Variants in APOBEC3G observed in about 807,000 individuals in gnomAD.
APOBEC3G encodes apolipoprotein B mRNA editing enzyme catalytic subunit 3G.
APOBEC3G carries 44 observed loss-of-function variants against 50.0 expected under a neutral mutation model. The ratio of observed to expected loss-of-function variants is 0.88; its 90% CI spans 0.69 to 1.13. APOBEC3G has a LOEUF of 1.13. Among genes scored for constraint, APOBEC3G ranks in the 50% most tolerant of loss-of-function variants. The pLI is 0.00. For synonymous variants in APOBEC3G, 156 were observed against 175.3 expected (o/e 0.89, Z 0.87); for missense variants, 469 against 492.0 (o/e 0.95, Z 0.44).
At chr22:39,085,003 C>T (rs1050537953) in intron 5 of APOBEC3G, among the ~76,000 whole-genome samples, 5 of 152,202 alleles carry the variant, frequency 3.3e-5, no homozygotes, top group Non-Finnish European at 7.4e-5. Context: ...CTTTCAAAGG[C>T]ACCGGTCCCC....
chr22:39,086,654 T>TC, intron 6 of APOBEC3G, 87 bp downstream of exon 6: 2 of 1,498,964 alleles, frequency 1.3e-6, no homozygotes, highest in Non-Finnish European at 1.8e-6. Context: ...AGGGTCGGCA[T>TC]CCCTGTGGGA....
chr22:39,085,537 TACTC>T (rs1260641776), intron 5 of APOBEC3G, among the ~76,000 whole-genome samples: 1 of 152,218 alleles, frequency 6.6e-6, no homozygotes, highest in African/African-American at 2.4e-5. Flanking sequence ...ATGCTCCAAA[TACTC>T]AGTATCAGAG....
rs1291848965 is a variant in APOBEC3G, at chr22:39,077,373, C to T, written c.12C>T (p.His4=). 4 of 1,582,334 alleles carry T rather than the reference C, an allele frequency of 2.5e-6. No homozygotes were observed. In the East Asian group the frequency reaches 9.2e-5, roughly 36 times the overall value. Residue 4 remains histidine (H), a synonymous_variant, in exon 1 of 8, where the codon CAC becomes CAT. Coordinates refer to ENST00000407997, the MANE Select transcript of APOBEC3G (RefSeq NM_021822.4). MKP[H]FRNTVERMYR... is the part of the protein sequence containing the mutation. ...CTAGCCGGCCAAGGATGAAGCCTCA[C>T]TTCAGGTACCGCTGCCCGCTCTACC...
In APOBEC3G at chr22:39,086,486, T is replaced by A. The variant is rs1165051232; in HGVS notation, c.943T>A (p.Tyr315Asn). Residue 315 changes from tyrosine to asparagine, a missense_variant, in exon 6 of 8, where the codon TAT becomes AAT. Transcript: ENST00000407997. The part of the protein sequence containing the change: ...VSLCIFTARI[Y>N]DDQGRCQEGL... ...CCTGTGCATCTTCACTGCCCGCATC[T>A]ATGATGATCAAGGAAGATGTCAGGA... 1 of 1,614,100 alleles carries A rather than the reference T, an allele frequency of 6.2e-7. No homozygotes were observed. The highest frequency in any genetic ancestry group is 1.7e-5 in the Admixed American group (1 of 60,008).
At chr22:39,086,027 G>A (rs1203183323) in intron 5 of APOBEC3G, among the ~76,000 whole-genome samples, 3 of 148,220 alleles carry the variant, frequency 2.0e-5, no homozygotes, top group Admixed American at 6.7e-5. Flanking sequence ...TCCCTCGGCC[G>A]GGCGCTGTGG....
chr22:39,077,417 C>T (rs1398038433), intron 1 of APOBEC3G, 39 bp downstream of exon 1: 6 of 1,571,564 alleles, frequency 3.8e-6, no homozygotes, highest in Non-Finnish European at 5.2e-6. Context: ...CCCTCTGCTG[C>T]CCCTTCTTGC....
intron 5 of APOBEC3G, among the ~76,000 whole-genome samples, chr22:39,084,517 C>T (rs181635850): frequency 1.7e-3 from 214 of 127,048 alleles, no homozygotes; most frequent in African/African-American, 5.9e-3. Flanking sequence ...CAGAGCGAGA[C>T]TCCGTCTCAA....
At chr22:39,083,656 A>G (rs1165747772) in intron 4 of APOBEC3G, 75 bp from the exon 5 acceptor site, 7 of 1,522,658 alleles carry the variant, frequency 4.6e-6, no homozygotes, top group Non-Finnish European at 6.3e-6. Context: ...CAAGGGAGGA[A>G]GCGTGGAGAG....
Position 39,078,985 on chromosome 22 carries a change from G to C in APOBEC3G, c.71G>C (p.Arg24Thr), listed in dbSNP as rs747970268. 3.7e-6 allele frequency: 6 copies of C among 1,614,186 alleles called. No individual in the cohort carries two copies. The stretch of plus-strand genomic sequence containing the variant: ...ACATTCTCCTACAACTTTTATAATA[G>C]ACCCATCCTTTCTCGTCGGAATACC... ...RDTFSYNFYN[R>T]PILSRRNTVW... The change falls in exon 2 of 8, where the codon AGA becomes ACA. Residue 24 changes from arginine (R) to threonine (T), a missense_variant. By Grantham distance (71) the Arg-to-Thr change is moderately conservative. Coordinates refer to ENST00000407997, the MANE Select transcript of APOBEC3G (RefSeq NM_021822.4).
Position 39,079,169 on chromosome 22 carries a change from G to A in APOBEC3G, c.171+84G>A, listed in dbSNP as rs1181317134. The stretch of plus-strand genomic sequence containing the variant: ...CCACGCACTGATAAGTGAAGTGCCC[G>A]GCGGCGGGCTATCCAGTGTGTCCTT... On this transcript the variant is annotated intron_variant, in intron 2 of 7. Coordinates refer to ENST00000407997, the MANE Select transcript of APOBEC3G (RefSeq NM_021822.4). 1.5e-5 allele frequency: 22 copies of A among 1,478,852 alleles called. 1 individual carries two copies. The South Asian group carries it at 1.7e-4, about 12-fold the overall frequency. The allele number at this position is 1,478,852 out of a possible 1,614,324, so 91.6% of individuals were successfully genotyped here.
Position 39,078,831 on chromosome 22 carries a change from G to A in APOBEC3G, c.18-101G>A. The A allele has an allele frequency of 3.1e-5, 45 of 1,472,164 alleles. No individual in the cohort carries two copies. In the South Asian group the frequency reaches 6.3e-4, roughly 20 times the overall value. 91.2% of individuals were successfully genotyped at this position (1,472,164 alleles called of 1,614,324 possible). A position where few individuals can be genotyped will look rare whatever the true frequency, so the allele number is the denominator to read the frequency against. On this transcript the variant is annotated intron_variant, in intron 1 of 7. Transcript: ENST00000407997. ...TTCTCAGGGGAGGGGAGGGATGGGG[G>A]AGGCCTAGAGCCGTCCAGGGGGCTG... is the stretch of plus-strand genomic sequence containing the variant.
intron 2 of APOBEC3G, 68 bp from the exon 3 acceptor site, chr22:39,080,865 C>A: frequency 2.4e-6 from 3 of 1,238,052 alleles, no homozygotes; most frequent in Non-Finnish European, 2.2e-6. Flanking sequence ...CCCTCCTCCC[C>A]CTGCCCCACC....
chr22:39,078,375 A>G (rs1426574787), intron 1 of APOBEC3G: 4 of 152,448 alleles, frequency 2.6e-5, no homozygotes, highest in South Asian at 4.1e-4. Context: ...CCGGTCCCCA[A>G]TGGCTGCCTC....
rs758375639 is a variant in APOBEC3G, at chr22:39,081,049, C to T, written c.288C>T (p.Pro96=). ...YEVTWYISWS[P]CTKCTRDMAT... ...TCACCTGGTACATATCCTGGAGCCCCTGCACAAAGTGTACAAGGGATATGG... is the reference window on the plus strand; with the variant it reads ...TCACCTGGTACATATCCTGGAGCCCTTGCACAAAGTGTACAAGGGATATGG... Residue 96 remains proline (P), a synonymous_variant, in exon 3 of 8, where the codon CCC becomes CCT. Transcript: ENST00000407997. The T allele has an allele frequency of 3.7e-6, 6 of 1,614,198 alleles. No homozygotes were observed. Among genetic ancestry groups the T allele is most frequent in the Non-Finnish European group, 5.1e-6 (6 of 1,180,026 alleles).
rs1332160383 is a variant in APOBEC3G at position 39,086,514 on chromosome 22, G to A, written c.971G>A (p.Gly324Glu). Reference protein sequence around the residue: ...IYDDQGRCQEGLRTLAEAGAK... With the variant: ...IYDDQGRCQEELRTLAEAGAK... ...GATGATCAAGGAAGATGTCAGGAGG[G>A]GCTGCGCACCCTGGCCGAGGCTGGG... Residue 324 changes from glycine to glutamate, a missense_variant, in exon 6 of 8, where the codon GGG becomes GAG. By Grantham distance (98) the Gly-to-Glu change is moderately conservative (BLOSUM62 -2). Transcript: ENST00000407997. 6.2e-7 allele frequency: 1 copy of A among 1,613,234 alleles called. No homozygotes were observed. Among genetic ancestry groups the A allele is most frequent in the Non-Finnish European group, 8.5e-7 (1 of 1,179,354 alleles).
chr22:39,081,048 C>T lies in APOBEC3G; in HGVS notation c.287C>T (p.Pro96Leu). The T allele has an allele frequency of 6.2e-7, 1 of 1,614,152 alleles. No homozygotes were observed. Among genetic ancestry groups the T allele is most frequent in the Non-Finnish European group, 8.5e-7 (1 of 1,180,022 alleles). The change falls in exon 3 of 8, where the codon CCC becomes CTC. Residue 96 changes from proline to leucine, a missense_variant. Transcript: ENST00000407997. ...YEVTWYISWSPCTKCTRDMAT... is the reference protein window; with the variant it reads ...YEVTWYISWSLCTKCTRDMAT... ...GTCACCTGGTACATATCCTGGAGCC[C>T]CTGCACAAAGTGTACAAGGGATATG...
Position 39,077,344 on chromosome 22 carries a change from G to A in APOBEC3G, c.-18G>A. The A allele has an allele frequency of 5.1e-6, 8 of 1,573,724 alleles. No individual in the cohort carries two copies. The highest frequency in any genetic ancestry group is 2.3e-5 in the South Asian group (2 of 85,924). On this transcript the variant is annotated 5_prime_UTR_variant, in exon 1 of 8. Transcript: ENST00000407997. ...GGTGCTCCAGACAAAGATCTTAGTC[G>A]GGACTAGCCGGCCAAGGATGAAGCC...
rs1467099687 is a variant in APOBEC3G, at chr22:39,079,006, A to G, written c.92A>G (p.Asn31Ser). 9.3e-6 allele frequency: 15 copies of G among 1,614,234 alleles called. No individual in the cohort carries two copies. Among genetic ancestry groups the G allele is most frequent in the Non-Finnish European group, 1.3e-5 (15 of 1,180,034 alleles). The change falls in exon 2 of 8, where the codon AAT becomes AGT. Residue 31 changes from asparagine (N) to serine (S), a missense_variant. Transcript: ENST00000407997. Reference sequence around the variant, plus strand: ...AATAGACCCATCCTTTCTCGTCGGAATACCGTCTGGCTGTGCTACGAAGTG... The same window carrying G: ...AATAGACCCATCCTTTCTCGTCGGAGTACCGTCTGGCTGTGCTACGAAGTG... Reference protein sequence around the residue: ...FYNRPILSRRNTVWLCYEVKT... With the variant: ...FYNRPILSRRSTVWLCYEVKT...
At chr22:39,082,635 C>T (rs972732474) in intron 4 of APOBEC3G, 3 of 152,198 alleles carry the variant, frequency 2.0e-5, no homozygotes, top group African/African-American at 7.2e-5. Context: ...AACAAACAAA[C>T]AAGAAAGAAA....
Sources: gnomAD v4.1 joint callset for allele counts (sites outside exome capture counted in the v4.1 genomes callset) on GRCh38, gnomAD v4.1.1 for gene constraint, MANE v1.5 for transcripts, NCBI Gene and HGNC (gene_info 2026-07-23, HGNC 2026-07-21) for gene names.